TMLHE: variants seen among roughly 807,000 people sequenced by gnomAD.
The protein encoded by TMLHE is trimethyllysine hydroxylase, epsilon.
TMLHE carries 18 observed loss-of-function variants against 25.7 expected under a neutral mutation model. The ratio of observed to expected loss-of-function variants is 0.70; its 90% confidence interval spans 0.48 to 1.04. The LOEUF is 1.04. TMLHE is among the 50% of genes least tolerant of loss of function. TMLHE has a pLI of 0.00. For missense variants in TMLHE, 236 were observed against 259.0 expected, an observed-to-expected ratio of 0.91 and a Z score of 0.61; for synonymous variants, 105 against 97.0, an observed-to-expected ratio of 1.08 and a Z score of -0.49.
intron 5 of TMLHE, among the ~76,000 whole-genome samples, chrX:155,510,279 A>AGGGTACATGT (rs2067099529): frequency 1.3e-5 from 1 of 77,509 alleles, no homozygotes; most frequent in Non-Finnish European, 2.8e-5. Context: ...TTTAAGTTTT[A>AGGGTACATGT]GGGTACATGT....
intron 1 of TMLHE, among the ~76,000 whole-genome samples, chrX:155,558,774 T>C (rs1215044579): frequency 8.9e-6 from 1 of 111,739 alleles, no homozygotes; most frequent in Non-Finnish European, 1.9e-5. Context: ...TACATAATTA[T>C]ATTACTTTTA....
intron 1 of TMLHE, among the ~76,000 whole-genome samples, chrX:155,560,577 AGGAGT>A (rs1569562165): frequency 2.8e-5 from 1 of 35,968 alleles, no homozygotes; most frequent in African/African-American, 4.7e-5. Context: ...TGATCAAAGG[AGGAGT>A]TAGTCATAAG....
intron 1 of TMLHE, among the ~76,000 whole-genome samples, chrX:155,601,103 C>T (rs1196875572): frequency 3.6e-5 from 4 of 111,764 alleles, no homozygotes; most frequent in African/African-American, 1.3e-4. Context: ...CTATATCCAG[C>T]AAAATTATCC....
At chrX:155,515,012 TTCTC>T (rs1162617541) in intron 3 of TMLHE, among the ~76,000 whole-genome samples, 4 of 110,951 alleles carry the variant, frequency 3.6e-5, no homozygotes, top group Non-Finnish European at 5.7e-5. Flanking sequence ...TCCTTTTTAC[TTCTC>T]TCTCTTTTCC....
intron 1 of TMLHE, among the ~76,000 whole-genome samples, chrX:155,587,313 C>T (rs1354341690): frequency 3.6e-5 from 4 of 111,721 alleles, no homozygotes; most frequent in South Asian, 3.7e-4. Flanking sequence ...TAAAATTCAA[C>T]GTCCTTTCAT....
chrX:155,547,549 G>C (rs1239103405), intron 1 of TMLHE, among the ~76,000 whole-genome samples: 1 of 111,302 alleles, frequency 9.0e-6, no homozygotes, highest in Non-Finnish European at 1.9e-5. Context: ...ACAAGTACAG[G>C]GTGATAACTA....
intron 1 of TMLHE, among the ~76,000 whole-genome samples, chrX:155,600,735 C>T (rs1485893038): frequency 8.9e-6 from 1 of 112,125 alleles, no homozygotes; most frequent in Non-Finnish European, 1.9e-5. Flanking sequence ...CTGAACAGTG[C>T]CTCACTTATC....
At chrX:155,512,012 G>C (rs782177483) in intron 4 of TMLHE, among the ~76,000 whole-genome samples, 1 of 111,048 alleles carries the variant, frequency 9.0e-6, no homozygotes, top group South Asian at 3.8e-4. Flanking sequence ...AACTGTGGAA[G>C]TATAATATTG....
chrX:155,557,399 A>G (rs1246411572), intron 1 of TMLHE, among the ~76,000 whole-genome samples: 2 of 112,256 alleles, frequency 1.8e-5, no homozygotes, highest in Non-Finnish European at 3.8e-5. Flanking sequence ...ACTTCCCGCA[A>G]CAACCTATAG....
intron 4 of TMLHE, among the ~76,000 whole-genome samples, chrX:155,512,155 TTTTTA>T (rs1435818705): frequency 4.5e-5 from 5 of 111,402 alleles, no homozygotes; most frequent in South Asian, 3.7e-4. Context: ...GGAAGTGATT[TTTTTA>T]TTTTATTTTA....
At chrX:155,547,892 C>G (rs1310069747) in intron 1 of TMLHE, among the ~76,000 whole-genome samples, 2 of 110,823 alleles carry the variant, frequency 1.8e-5, no homozygotes, top group African/African-American at 3.3e-5. Context: ...AATCTCCACA[C>G]CTGCTATAGA....
rs782642040 is a variant in TMLHE at position 155,589,766 on chromosome X, T to C, written c.-2+23026A>G. 3.6e-5 allele frequency among the ~76,000 whole-genome samples: 4 copies of C among 111,604 alleles called. No homozygotes were observed. In the South Asian group the frequency reaches 1.5e-3, roughly 42 times the overall value. ...CAACAATGTATTATATATTCCAAAG[T>C]AGCTAAAAGAGAGGACTTGAAATGT... is the stretch of plus-strand genomic sequence containing the variant. On this transcript the variant is annotated intron_variant, in intron 1 of 7. Transcript: ENST00000334398.
At chrX:155,539,222 G>A (rs1434431966) in intron 2 of TMLHE, among the ~76,000 whole-genome samples, 1 of 111,586 alleles carries the variant, frequency 9.0e-6, no homozygotes, top group African/African-American at 3.3e-5. Context: ...CTAAAAGATT[G>A]GTTTCTGTCT....
rs7883312 is a variant in TMLHE, at chrX:155,555,563, C to T, written c.-1-10286G>A. On this transcript the variant is annotated intron_variant, in intron 1 of 7. Transcript: ENST00000334398. ...TGTTGTTTCCTGACTTTTTAATGATCGCCATTCTAACTGGCGTGAGATGGT... is the reference window on the plus strand; with the variant it reads ...TGTTGTTTCCTGACTTTTTAATGATTGCCATTCTAACTGGCGTGAGATGGT... Among the ~76,000 whole-genome samples the T allele has an allele frequency of 2.9e-3, 315 of 109,732 alleles. 10 individuals are homozygous for T. The highest frequency in any genetic ancestry group is 9.4e-3 in the African/African-American group (283 of 30,058).
intron 6 of TMLHE, among the ~76,000 whole-genome samples, chrX:155,506,070 G>T (rs2067074491): frequency 9.0e-6 from 1 of 111,074 alleles, no homozygotes; most frequent in African/African-American, 3.3e-5. Context: ...AGATCATACA[G>T]AACCTTAAAA....
rs1247192534 is a variant in TMLHE at position 155,532,463 on chromosome X, G to A, written c.182-7831C>T. Among the ~76,000 whole-genome samples the A allele has an allele frequency of 2.7e-5, 3 of 111,841 alleles. No homozygotes were observed. In the East Asian group the frequency reaches 8.4e-4, roughly 31 times the overall value. ...TAAGCCAACACTTGGTCTTTACTGAGTCATTTTGTCTGTGACAGCAGGCAT... is the reference window on the plus strand; with the variant it reads ...TAAGCCAACACTTGGTCTTTACTGAATCATTTTGTCTGTGACAGCAGGCAT... On this transcript the variant is annotated intron_variant, in intron 2 of 7. Transcript: ENST00000334398.
At chrX:155,555,721 G>GTTT (rs1212014200) in intron 1 of TMLHE, among the ~76,000 whole-genome samples, 2 of 110,635 alleles carry the variant, frequency 1.8e-5, no homozygotes, top group African/African-American at 6.6e-5. Context: ...TGATGGGGTT[G>GTTT]TTTTTTTCTT....
At chrX:155,515,203 G>A (rs996771587) in intron 3 of TMLHE, among the ~76,000 whole-genome samples, 1 of 110,579 alleles carries the variant, frequency 9.0e-6, no homozygotes, top group Non-Finnish European at 1.9e-5. Context: ...TGTAATTTAT[G>A]TATATAAATA....
rs782747580 is a variant in TMLHE at position 155,491,713 on chromosome X, CAGA to C, written c.1135-50_1135-48del. The C allele has an allele frequency of 8.2e-4, 661 of 809,709 alleles. No individual in the cohort carries two copies. In the East Asian group the frequency reaches 0.017, roughly 21 times the overall value. The allele number at this position is 809,709 out of a possible 1,213,427, so 66.7% of individuals were successfully genotyped here. ...AAAAAAAAGAGAGAGAAAACACTGT[CAGA>C]AGAAGGACAGACCAAAGGAACCCTA... On this transcript the variant is annotated intron_variant, in intron 7 of 7. Transcript: ENST00000334398.
Sources: gnomAD v4.1 joint callset for allele counts (sites outside exome capture counted in the v4.1 genomes callset) on GRCh38, gnomAD v4.1.1 for gene constraint, MANE v1.5 for transcripts, NCBI Gene and HGNC (gene_info 2026-07-23, HGNC 2026-07-21) for gene names.